CNTNAP2: variants seen among roughly 807,000 people sequenced by gnomAD.
The protein encoded by CNTNAP2 is contactin-associated protein-like 2.
In CNTNAP2, 98 loss-of-function variants were observed where a neutral mutation model predicts 155.2. The observed-to-expected ratio is 0.63, with a 90% CI of 0.54 to 0.75. CNTNAP2 has a LOEUF of 0.75. Ranked by LOEUF, CNTNAP2 falls within the 30% of genes least tolerant of loss-of-function variation. The pLI, the probability that CNTNAP2 is intolerant of heterozygous loss-of-function variation, is 0.00. For synonymous variants in CNTNAP2, 651 were observed against 631.2 expected (o/e 1.03, Z -0.47); for missense variants, 1,727 against 1,688.1 (o/e 1.02, Z -0.40).
chr7:146,471,629 A>G (rs1036625836), intron 1 of CNTNAP2, among the ~76,000 whole-genome samples: 4 of 152,232 alleles, frequency 2.6e-5, no homozygotes, highest in African/African-American at 9.6e-5. Context: ...TGCAGATTCA[A>G]TAACAAATGA....
intron 1 of CNTNAP2, among the ~76,000 whole-genome samples, chr7:146,180,436 C>A (rs1798534103): frequency 6.6e-6 from 1 of 150,726 alleles, no homozygotes; most frequent in East Asian, 2.0e-4. Context: ...GGGCATATAT[C>A]CATTCTCTAT....
chr7:147,243,769 C>G lies in CNTNAP2; in HGVS notation c.1349-56372C>G, dbSNP rs114731146. ...ATCCACATCTCCATTATCTGGTTAACATATCATTTTGCAAAATATTAAAAG... is the reference window on the plus strand; with the variant it reads ...ATCCACATCTCCATTATCTGGTTAAGATATCATTTTGCAAAATATTAAAAG... On this transcript the variant is annotated intron_variant, in intron 8 of 23. Coordinates refer to ENST00000361727, the MANE Select transcript of CNTNAP2 (RefSeq NM_014141.6). 2.7e-3 allele frequency among the ~76,000 whole-genome samples: 408 copies of G among 152,186 alleles called. 1 individual carries two copies. The highest frequency in any genetic ancestry group is 9.2e-3 in the African/African-American group (382 of 41,512).
rs181528649 is a variant in CNTNAP2, at chr7:147,887,896, G to A, written c.2099-15669G>A. On this transcript the variant is annotated intron_variant, in intron 13 of 23. Transcript: ENST00000361727. ...TAATAGAAAGCCAGTTCTGATGCAT[G>A]TTTACAGCCTAACTTCACAGCATTT... is the stretch of plus-strand genomic sequence containing the variant. Among the ~76,000 whole-genome samples the A allele has an allele frequency of 2.0e-5, 3 of 152,320 alleles. No homozygotes were observed. The South Asian group carries it at 6.2e-4, about 32-fold the overall frequency.
chr7:146,610,741 GTAGT>G (rs1799123411), intron 1 of CNTNAP2, among the ~76,000 whole-genome samples: 1 of 152,114 alleles, frequency 6.6e-6, no homozygotes, highest in South Asian at 2.1e-4. Context: ...CTGAACTCAA[GTAGT>G]TATTCTAGAT....
intron 8 of CNTNAP2, among the ~76,000 whole-genome samples, chr7:147,209,068 C>T (rs1027261512): frequency 9.2e-5 from 14 of 151,792 alleles, no homozygotes; most frequent in South Asian, 6.2e-4. Context: ...CTTGGTTATC[C>T]GGGGTCCTTT....
intron 3 of CNTNAP2, among the ~76,000 whole-genome samples, chr7:146,897,439 A>C (rs73461490): frequency 0.035 from 5,269 of 152,150 alleles, 323 homozygotes; most frequent in African/African-American, 0.12. Flanking sequence ...AAAATATTTT[A>C]AGACTCTAGG....
intron 13 of CNTNAP2, among the ~76,000 whole-genome samples, chr7:147,789,548 G>T (rs530064569): frequency 6.6e-6 from 1 of 152,182 alleles, no homozygotes; most frequent in South Asian, 2.1e-4. Context: ...TCTTACCTTT[G>T]CCCCTTGTGA....
chr7:148,304,742 T>C (rs2116505808), intron 21 of CNTNAP2, among the ~76,000 whole-genome samples: 1 of 152,304 alleles, frequency 6.6e-6, no homozygotes, highest in East Asian at 1.9e-4. Context: ...GTTAGGTGAC[T>C]CCTGACTATG....
chr7:146,284,844 T>C (rs1183373569), intron 1 of CNTNAP2, among the ~76,000 whole-genome samples: 2 of 152,192 alleles, frequency 1.3e-5, no homozygotes, highest in East Asian at 1.9e-4. Flanking sequence ...CAGGGACTCA[T>C]TTGTGCCATC....
intron 1 of CNTNAP2, among the ~76,000 whole-genome samples, chr7:146,717,918 T>C (rs931484007): frequency 6.6e-6 from 1 of 151,286 alleles, no homozygotes; most frequent in African/African-American, 2.4e-5. Context: ...GGATGACCAA[T>C]GGCAGTGCCA....
At chr7:147,879,945 A>C (rs555962565) in intron 13 of CNTNAP2, among the ~76,000 whole-genome samples, 3 of 152,332 alleles carry the variant, frequency 2.0e-5, no homozygotes, top group Admixed American at 2.0e-4. Context: ...AATGACAGTC[A>C]GTGGAAAAGC....
chr7:147,891,774 A>G (rs1799698738), intron 13 of CNTNAP2, among the ~76,000 whole-genome samples: 1 of 151,990 alleles, frequency 6.6e-6, no homozygotes, highest in African/African-American at 2.4e-5. Flanking sequence ...TGAGCCTCAG[A>G]TAGTTTACCA....
At chr7:146,695,873 C>T (rs1213740614) in intron 1 of CNTNAP2, among the ~76,000 whole-genome samples, 1 of 152,134 alleles carries the variant, frequency 6.6e-6, no homozygotes, top group African/African-American at 2.4e-5. Flanking sequence ...TTTGAACCAA[C>T]CATTGTATCT....
At chr7:146,278,101 T>C (rs6953102) in intron 1 of CNTNAP2, among the ~76,000 whole-genome samples, 4,267 of 152,238 alleles carry the variant, frequency 0.028, 214 homozygotes, top group African/African-American at 0.097. Flanking sequence ...CTTTTTTTGG[T>C]TCTATGATAA....
chr7:146,116,842 G>A lies in CNTNAP2; in HGVS notation c.-35G>A. The A allele has an allele frequency of 6.6e-7, 1 of 1,515,220 alleles. No individual in the cohort carries two copies. The highest frequency in any genetic ancestry group is 8.9e-7 in the Non-Finnish European group (1 of 1,121,824). The allele number at this position is 1,515,220 out of a possible 1,614,324, so 93.9% of individuals were successfully genotyped here. A position where few individuals can be genotyped will look rare whatever the true frequency, so the allele number is the denominator to read the frequency against. On this transcript the variant is annotated 5_prime_UTR_variant, in exon 1 of 24. Coordinates refer to ENST00000361727, the MANE Select transcript of CNTNAP2 (RefSeq NM_014141.6). The surrounding 1 kb of genome is among the most constrained non-coding windows in gnomAD (Gnocchi z 5.5). ...GAGAGTCGGACTGCATCTCCGCAGC[G>A]AGCTCTTGGAGCGCCGCCGGCCGGG...
At chr7:146,585,772 A>G (rs1478259429) in intron 1 of CNTNAP2, among the ~76,000 whole-genome samples, 2 of 151,396 alleles carry the variant, frequency 1.3e-5, no homozygotes, top group Non-Finnish European at 3.0e-5. Flanking sequence ...AAGGAAAGAA[A>G]GAAAGGGAAA....
At chr7:146,952,155 TA>T (rs1797328368) in intron 3 of CNTNAP2, among the ~76,000 whole-genome samples, 3 of 152,120 alleles carry the variant, frequency 2.0e-5, no homozygotes, top group African/African-American at 7.2e-5. Context: ...ATCCATCACA[TA>T]AACAGAACCA....
At chr7:147,412,775 G>C (rs1406289) in intron 10 of CNTNAP2, among the ~76,000 whole-genome samples, 2 of 152,048 alleles carry the variant, frequency 1.3e-5, no homozygotes, top group South Asian at 2.1e-4. Flanking sequence ...GGACAGAAAG[G>C]CTCATATCAG....
intron 1 of CNTNAP2, among the ~76,000 whole-genome samples, chr7:146,169,697 G>A (rs568634529): frequency 4.7e-4 from 71 of 150,474 alleles, no homozygotes; most frequent in African/African-American, 1.7e-3. Flanking sequence ...TAGATTTCAC[G>A]TATCAGTGAA....
Sources: allele counts gnomAD v4.1 joint callset (sites outside exome capture counted in the v4.1 genomes callset), GRCh38; gene constraint gnomAD v4.1.1; non-coding constraint Gnocchi (gnomAD v3.1); transcripts MANE v1.5; gene names NCBI Gene and HGNC (gene_info 2026-07-23, HGNC 2026-07-21).